The following ITGA9 variants were observed in gnomAD, a reference collection of about 807,000 sequenced individuals.
ITGA9 encodes the protein integrin alpha-9.
In ITGA9, 56 loss-of-function variants were observed where a neutral mutation model predicts 127.8. The ratio of observed to expected loss-of-function variants is 0.44; its 90% confidence interval spans 0.35 to 0.55. The LOEUF (loss-of-function observed/expected upper bound fraction) is 0.55. Ranked by LOEUF, ITGA9 falls within the 20% of genes least tolerant of loss-of-function variation. ITGA9 has a pLI of 0.00. For synonymous variants in ITGA9, 508 were observed against 514.5 expected (o/e 0.99, Z 0.17); for missense variants, 1,196 against 1,347.1 (o/e 0.89, Z 1.76).
intron 26 of ITGA9, among the ~76,000 whole-genome samples, chr3:37,794,136 C>A (rs185379538): frequency 3.3e-5 from 5 of 152,232 alleles, no homozygotes; most frequent in Non-Finnish European, 7.3e-5. Flanking sequence ...TAGGCATGTG[C>A]TATGATTACC....
intron 27 of ITGA9, 100 bp from the exon 28 acceptor site, chr3:37,818,791 G>T: frequency 2.4e-6 from 2 of 837,442 alleles, no homozygotes; most frequent in East Asian, 4.9e-5. Flanking sequence ...CCAGCCCTGT[G>T]AGTGCAGGTC....
At chr3:37,478,602 C>T (rs1239531328) in intron 3 of ITGA9, among the ~76,000 whole-genome samples, 2 of 152,172 alleles carry the variant, frequency 1.3e-5, no homozygotes, top group Non-Finnish European at 2.9e-5. Context: ...TCCTGTTCTT[C>T]CCTCACAGCC....
chr3:37,699,268 G>C (rs1333469446), intron 18 of ITGA9, among the ~76,000 whole-genome samples: 1 of 152,260 alleles, frequency 6.6e-6, no homozygotes, highest in East Asian at 1.9e-4. Flanking sequence ...CTGAACTCCA[G>C]CGTTGGGTAC....
chr3:37,794,857 G>A (rs1049022439), intron 26 of ITGA9, among the ~76,000 whole-genome samples: 2 of 152,150 alleles, frequency 1.3e-5, no homozygotes, highest in African/African-American at 4.8e-5. Context: ...CTTGCCAAAT[G>A]TACAGTTTAT....
chr3:37,573,286 G>T (rs2125605983), intron 15 of ITGA9: 1 of 152,300 alleles, frequency 6.6e-6, no homozygotes, highest in Non-Finnish European at 1.5e-5. Flanking sequence ...CCCCTGGCTG[G>T]TTTTTCACTT....
chr3:37,780,069 A>T, intron 25 of ITGA9, 48 bp downstream of exon 25: 1 of 1,608,694 alleles, frequency 6.2e-7, no homozygotes, highest in Non-Finnish European at 8.5e-7. Context: ...AAGCATTTGA[A>T]TTGTTGACAT....
intron 4 of ITGA9, among the ~76,000 whole-genome samples, chr3:37,490,239 T>A (rs1320038211): frequency 6.6e-6 from 1 of 152,214 alleles, no homozygotes; most frequent in Non-Finnish European, 1.5e-5. Flanking sequence ...GCGGGAAAGT[T>A]GTTTACTGAA....
At chr3:37,559,052 G>A (rs142026754) in intron 15 of ITGA9, among the ~76,000 whole-genome samples, 45 of 152,286 alleles carry the variant, frequency 3.0e-4, no homozygotes, top group African/African-American at 1.0e-3. Flanking sequence ...AAAGCAGGGA[G>A]CTTATGGCAT....
intron 17 of ITGA9, among the ~76,000 whole-genome samples, chr3:37,661,573 G>A (rs1700537719): frequency 6.6e-6 from 1 of 152,222 alleles, no homozygotes; most frequent in African/African-American, 2.4e-5. Context: ...TTAAGTGCTA[G>A]TGGAAACCAG....
At chr3:37,728,289 C>T (rs9882113) in intron 18 of ITGA9, among the ~76,000 whole-genome samples, 77,621 of 152,102 alleles carry the variant, frequency 0.51, 20,059 homozygotes, top group African/African-American at 0.57. Context: ...CCAACCAGAG[C>T]GCTCTCCACT....
intron 16 of ITGA9, among the ~76,000 whole-genome samples, chr3:37,632,277 G>A (rs1461634804): frequency 6.6e-6 from 1 of 152,142 alleles, no homozygotes; most frequent in African/African-American, 2.4e-5. Flanking sequence ...ATTTTCTAAT[G>A]GATGGGATTC....
intron 15 of ITGA9, among the ~76,000 whole-genome samples, chr3:37,575,383 G>A (rs2125607058): frequency 6.6e-6 from 1 of 152,252 alleles, no homozygotes; most frequent in Non-Finnish European, 1.5e-5. Context: ...TTTCTCTGCT[G>A]TCTCCTATTT....
intron 15 of ITGA9, among the ~76,000 whole-genome samples, chr3:37,612,376 T>C (rs1469978098): frequency 6.6e-6 from 1 of 152,206 alleles, no homozygotes; most frequent in African/African-American, 2.4e-5. Context: ...TACCAGCTTT[T>C]TCTTGATGCA....
At chr3:37,633,339 T>C (rs1335063353) in intron 16 of ITGA9, among the ~76,000 whole-genome samples, 8 of 152,206 alleles carry the variant, frequency 5.3e-5, no homozygotes, top group Admixed American at 5.2e-4. Flanking sequence ...AAACCCATCA[T>C]GAATTAAAAA....
intron 4 of ITGA9, among the ~76,000 whole-genome samples, chr3:37,490,718 AT>A (rs113897538): frequency 0.083 from 12,587 of 151,918 alleles, 598 homozygotes; most frequent in African/African-American, 0.13. Flanking sequence ...GGAAACCAGT[AT>A]TTTTTTTCCT....
At chr3:37,591,398 C>G (rs1281735261) in intron 15 of ITGA9, among the ~76,000 whole-genome samples, 1 of 152,134 alleles carries the variant, frequency 6.6e-6, no homozygotes, top group African/African-American at 2.4e-5. Context: ...CCCTAGTGTA[C>G]CCCACCCTTA....
At chr3:37,734,738 C>T (rs1419869104) in intron 19 of ITGA9, among the ~76,000 whole-genome samples, 2 of 152,186 alleles carry the variant, frequency 1.3e-5, no homozygotes, top group Non-Finnish European at 1.5e-5. Flanking sequence ...GTGATCTGCC[C>T]ACCTAGGTCT....
chr3:37,612,987 A>C (rs1484332867), intron 15 of ITGA9, among the ~76,000 whole-genome samples: 1 of 150,596 alleles, frequency 6.6e-6, no homozygotes, highest in South Asian at 2.1e-4. Context: ...TTATACTTTA[A>C]GTTTTAGGGT....
chr3:37,668,896 C>A (rs1700610828), intron 17 of ITGA9, among the ~76,000 whole-genome samples: 2 of 152,182 alleles, frequency 1.3e-5, no homozygotes, highest in African/African-American at 4.8e-5. Flanking sequence ...ACATGACCTG[C>A]CCATAAATCA....
Sources: allele counts gnomAD v4.1 joint callset (sites outside exome capture counted in the v4.1 genomes callset), GRCh38; gene constraint gnomAD v4.1.1; transcripts MANE v1.5; gene names NCBI Gene and HGNC (gene_info 2026-07-23, HGNC 2026-07-21).